AP3S1: variants seen among roughly 807,000 people sequenced by gnomAD.
AP3S1 encodes the protein adaptor related protein complex 3 subunit sigma 1.
A neutral mutation model predicts 21.3 loss-of-function variants in AP3S1; 12 were observed. The observed-to-expected ratio is 0.56, with a 90% CI of 0.36 to 0.91. The LOEUF (loss-of-function observed/expected upper bound fraction) is 0.91. AP3S1 is among the 40% of genes least tolerant of loss of function. AP3S1 has a pLI of 0.01. For synonymous variants in AP3S1, 48 were observed against 78.4 expected (o/e 0.61, Z 2.05); for missense variants, 116 against 225.0 (o/e 0.52, Z 3.10).
At chr5:115,866,114 G>A (rs1763594178) in intron 1 of AP3S1, among the ~76,000 whole-genome samples, 1 of 152,094 alleles carries the variant, frequency 6.6e-6, no homozygotes, top group African/African-American at 2.4e-5. Context: ...GACTCTTACT[G>A]GAATATGAAT....
At chr5:115,870,176 T>G (rs1748100342) in intron 3 of AP3S1, 48 bp downstream of exon 3, 11 of 1,205,510 alleles carry the variant, frequency 9.1e-6, no homozygotes, top group Non-Finnish European at 1.3e-5. Flanking sequence ...GTTTGACATT[T>G]AAATTTTTAA....
intron 3 of AP3S1, among the ~76,000 whole-genome samples, chr5:115,884,784 TG>T (rs1749632612): frequency 6.6e-6 from 1 of 152,244 alleles, no homozygotes; most frequent in South Asian, 2.1e-4. Flanking sequence ...TAAATTTTTC[TG>T]GGTTAAAAAA....
At chr5:115,853,298 CTTTGCCTGT>C (rs1371580835) in intron 1 of AP3S1, among the ~76,000 whole-genome samples, 1 of 152,076 alleles carries the variant, frequency 6.6e-6, no homozygotes, top group Non-Finnish European at 1.5e-5. Context: ...TATTCAAATC[CTTTGCCTGT>C]TTTTAAGTTG....
chr5:115,853,821 C>T (rs1762614019), intron 1 of AP3S1, among the ~76,000 whole-genome samples: 2 of 152,174 alleles, frequency 1.3e-5, no homozygotes, highest in Non-Finnish European at 1.5e-5. Flanking sequence ...GGTTGACTCT[C>T]TAAATATTTC....
intron 5 of AP3S1, among the ~76,000 whole-genome samples, chr5:115,906,111 T>C (rs910855565): frequency 5.3e-5 from 8 of 152,272 alleles, no homozygotes; most frequent in Admixed American, 2.6e-4. Context: ...TGAGCTGATA[T>C]TGCACCACTG....
At position 115,872,281 on chromosome 5, in the gene AP3S1, C is replaced by CA. The variant is rs200390558; in HGVS notation, c.273+2161dup. 4.6e-3 allele frequency among the ~76,000 whole-genome samples: 692 copies of CA among 150,466 alleles called. 6 individuals are homozygous for CA. The highest frequency in any genetic ancestry group is 0.016 in the African/African-American group (636 of 40,986). Reference sequence around the variant, plus strand: ...CAGGTAACAGAGTGAGACCCTGTCTCAAAAAAAATAGAAATAAAAACATTG... The same window carrying CA: ...CAGGTAACAGAGTGAGACCCTGTCTCAAAAAAAAATAGAAATAAAAACATTG... On this transcript the variant is annotated intron_variant, in intron 3 of 5. Transcript: ENST00000316788.
At chr5:115,875,608 A>G (rs977301104) in intron 3 of AP3S1, among the ~76,000 whole-genome samples, 1 of 152,204 alleles carries the variant, frequency 6.6e-6, no homozygotes, top group Non-Finnish European at 1.5e-5. Context: ...TTGGTCCCAG[A>G]GGAAGATGAG....
chr5:115,847,478 G>A (rs1196761981), intron 1 of AP3S1, among the ~76,000 whole-genome samples: 1 of 152,136 alleles, frequency 6.6e-6, no homozygotes. Flanking sequence ...AAATTAGTGA[G>A]TCATGTTAGC....
intron 4 of AP3S1, among the ~76,000 whole-genome samples, chr5:115,895,799 A>G (rs1750710249): frequency 6.6e-6 from 1 of 152,196 alleles, no homozygotes; most frequent in African/African-American, 2.4e-5. Flanking sequence ...AGTAGTCCAG[A>G]AGGAAATGAC....
chr5:115,842,235 C>G, intron 1 of AP3S1, 129 bp downstream of exon 1: 1 of 1,350,352 alleles, frequency 7.4e-7, no homozygotes, highest in Non-Finnish European at 9.8e-7. Flanking sequence ...CCGCCTGGCG[C>G]TCGCCAGCTG....
Position 115,847,736 on chromosome 5 carries a change from GCTAA to G in AP3S1, c.69+5636_69+5639del, listed in dbSNP as rs146083695. On this transcript the variant is annotated intron_variant, in intron 1 of 5. Transcript: ENST00000316788. Reference sequence around the variant, plus strand: ...ATATATTGTGAAATGGGTAAATCAAGCTAACTAACATGTCTATCACCACTATTCC... The same window carrying G: ...ATATATTGTGAAATGGGTAAATCAAGCTAACATGTCTATCACCACTATTCC... Among the ~76,000 whole-genome samples the G allele has an allele frequency of 7.1e-3, 1,085 of 152,280 alleles. 7 individuals carry two copies. The highest frequency in any genetic ancestry group is 0.017 in the Middle Eastern group (5 of 294).
chr5:115,912,983 C>A (rs766843640), intron 5 of AP3S1, among the ~76,000 whole-genome samples: 10 of 152,114 alleles, frequency 6.6e-5, no homozygotes, highest in Non-Finnish European at 1.5e-4. Context: ...AAAAGAAAAT[C>A]TATCACAATC....
intron 3 of AP3S1, among the ~76,000 whole-genome samples, chr5:115,892,400 G>A (rs1580717695): frequency 1.3e-5 from 2 of 152,194 alleles, no homozygotes; most frequent in East Asian, 3.9e-4. Flanking sequence ...AGATTTGGAA[G>A]CAACCTAAGT....
chr5:115,844,754 C>G (rs1367153481), intron 1 of AP3S1, among the ~76,000 whole-genome samples: 3 of 152,204 alleles, frequency 2.0e-5, no homozygotes, highest in South Asian at 2.1e-4. Context: ...TTCCGTGAAG[C>G]CTTTGATCTT....
At chr5:115,843,489 T>C (rs1761809581) in intron 1 of AP3S1, among the ~76,000 whole-genome samples, 1 of 152,238 alleles carries the variant, frequency 6.6e-6, no homozygotes, top group African/African-American at 2.4e-5. Context: ...TGTTTAAAAA[T>C]TCTACATCAT....
intron 3 of AP3S1, among the ~76,000 whole-genome samples, chr5:115,890,132 C>T (rs1442050026): frequency 6.6e-6 from 1 of 152,180 alleles, no homozygotes; most frequent in Non-Finnish European, 1.5e-5. Context: ...TTTGACCTAG[C>T]AGTTCTACTC....
At chr5:115,861,855 C>CCTTTCCTTTTT (rs1763211552) in intron 1 of AP3S1, among the ~76,000 whole-genome samples, 1 of 135,798 alleles carries the variant, frequency 7.4e-6, no homozygotes. Context: ...CCAAAATTTT[C>CCTTTCCTTTTT]TTTTCTTTTC....
intron 1 of AP3S1, among the ~76,000 whole-genome samples, chr5:115,851,249 T>G (rs1013655733): frequency 6.6e-6 from 1 of 152,204 alleles, no homozygotes; most frequent in Non-Finnish European, 1.5e-5. Context: ...CTTGGGTTGC[T>G]TCCATCCTTT....
intron 5 of AP3S1, chr5:115,904,178 G>C (rs1310746328): frequency 6.6e-6 from 1 of 152,054 alleles, no homozygotes; most frequent in African/African-American, 2.4e-5. Context: ...ACTCAGATTG[G>C]AAAAAACAGA....
Sources: gnomAD v4.1 joint callset for allele counts (sites outside exome capture counted in the v4.1 genomes callset) on GRCh38, gnomAD v4.1.1 for gene constraint, MANE v1.5 for transcripts, NCBI Gene and HGNC (gene_info 2026-07-23, HGNC 2026-07-21) for gene names.